CALN1: variants seen among roughly 807,000 people sequenced by gnomAD.
The protein encoded by CALN1 is calcium-binding protein 8.
A neutral mutation model predicts 30.6 loss-of-function variants in CALN1; 17 were observed. The ratio of observed to expected loss-of-function variants is 0.56; its 90% CI spans 0.38 to 0.83. The LOEUF (loss-of-function observed/expected upper bound fraction) is 0.83, where lower values mean the gene tolerates loss of function less well. Ranked by LOEUF, CALN1 falls within the 40% of genes least tolerant of loss-of-function variation. CALN1 has a pLI of 0.00. For missense variants in CALN1, 291 were observed against 354.9 expected, an observed-to-expected ratio of 0.82 and a Z score of 1.45; for synonymous variants, 156 against 131.4, an observed-to-expected ratio of 1.19 and a Z score of -1.28.
chr7:72,210,158 C>G (rs1792290462), intron 3 of CALN1, among the ~76,000 whole-genome samples: 1 of 152,014 alleles, frequency 6.6e-6, no homozygotes, highest in Non-Finnish European at 1.5e-5. Flanking sequence ...TCTCCCCCTT[C>G]CAGCCATCCA....
chr7:72,209,111 C>T (rs542395445), intron 3 of CALN1, among the ~76,000 whole-genome samples: 2 of 141,030 alleles, frequency 1.4e-5, no homozygotes, highest in South Asian at 2.5e-4. Flanking sequence ...TCATTTCTCT[C>T]TTTTTTACTC....
chr7:72,229,374 C>G (rs1429783837), intron 3 of CALN1, among the ~76,000 whole-genome samples: 1 of 152,014 alleles, frequency 6.6e-6, no homozygotes, highest in Non-Finnish European at 1.5e-5. Flanking sequence ...AATCCCAGCA[C>G]TTGGGAGGCT....
At chr7:72,203,384 G>A (rs888741528) in intron 3 of CALN1, among the ~76,000 whole-genome samples, 24 of 151,740 alleles carry the variant, frequency 1.6e-4, no homozygotes, top group East Asian at 7.7e-4. Flanking sequence ...AAATTTACGC[G>A]AAACAATGAG....
chr7:72,152,225 C>G (rs919088679), intron 3 of CALN1, among the ~76,000 whole-genome samples: 2 of 152,020 alleles, frequency 1.3e-5, no homozygotes, highest in Non-Finnish European at 2.9e-5. Context: ...TTTCCAAACC[C>G]AAAGCTATGA....
At chr7:72,289,690 C>T (rs1798340411) in intron 2 of CALN1, among the ~76,000 whole-genome samples, 1 of 152,098 alleles carries the variant, frequency 6.6e-6, no homozygotes, top group African/African-American at 2.4e-5. Flanking sequence ...CACAAAATCA[C>T]AAATAATAGT....
intron 2 of CALN1, among the ~76,000 whole-genome samples, chr7:72,321,125 C>T (rs1243883828): frequency 6.6e-6 from 1 of 152,174 alleles, no homozygotes; most frequent in East Asian, 1.9e-4. Flanking sequence ...AAGACTTCAC[C>T]TATTCAATTT....
upstream of CALN1, among the ~76,000 whole-genome samples, chr7:72,416,205 A>C (rs955224362): frequency 6.6e-6 from 1 of 152,184 alleles, no homozygotes; most frequent in Non-Finnish European, 1.5e-5. Context: ...CCATGGCAAC[A>C]CCCAGAAGTT....
chr7:71,943,812 G>A (rs977527098), intron 5 of CALN1, among the ~76,000 whole-genome samples: 1 of 152,100 alleles, frequency 6.6e-6, no homozygotes, highest in Non-Finnish European at 1.5e-5. Flanking sequence ...CTTGGAACAG[G>A]ACCTTGGAAA....
intron 2 of CALN1, among the ~76,000 whole-genome samples, chr7:72,317,612 G>GCCA (rs1308080354): frequency 6.6e-6 from 1 of 152,118 alleles, no homozygotes; most frequent in African/African-American, 2.4e-5. Flanking sequence ...CTGGGCTGCT[G>GCCA]CCACTCAGAG....
At chr7:72,409,591 C>CA (rs1192293117) in intron 1 of CALN1, among the ~76,000 whole-genome samples, 5 of 151,954 alleles carry the variant, frequency 3.3e-5, no homozygotes, top group African/African-American at 1.2e-4. Context: ...CAAAGTCTTT[C>CA]ATGGATTTGA....
chr7:71,787,760 G>C lies in CALN1; in HGVS notation c.*15C>G, dbSNP rs376575825. The stretch of plus-strand genomic sequence containing the variant: ...GCGCGGTGAGCTGCAACACAGTGTG[G>C]CTGGCGGGAGGCTGCTACTCCATGC... On this transcript the variant is annotated 3_prime_UTR_variant, in exon 7 of 7. Transcript: ENST00000395275. The C allele has an allele frequency of 1.2e-6, 2 of 1,612,908 alleles. No individual in the cohort carries two copies. Among genetic ancestry groups the C allele is most frequent in the African/African-American group, 2.7e-5 (2 of 74,930 alleles).
chr7:71,876,403 C>T (rs1470643553), intron 5 of CALN1, among the ~76,000 whole-genome samples: 1 of 150,856 alleles, frequency 6.6e-6, no homozygotes, highest in Non-Finnish European at 1.5e-5. Context: ...CATCGTGTTA[C>T]AAAACTTTGT....
chr7:72,443,998 C>CT lies in CALN1; in HGVS notation c.-226+3043dup, dbSNP rs199531985. Among the ~76,000 whole-genome samples, 480 of 146,816 alleles carry CT rather than the reference C, an allele frequency of 3.3e-3. 6 individuals are homozygous for CT. Among genetic ancestry groups the CT allele is most frequent in the Admixed American group, 0.025 (377 of 14,882 alleles). On this transcript the variant is annotated intron_variant, in intron 1 of 6. Transcript: ENST00000395276. The stretch of plus-strand genomic sequence containing the variant: ...CCAGCCTGGGTGACAGAGTGAGACT[C>CT]TGTCTCAAAAACTAAATTAATTAAT...
In CALN1 at chr7:72,314,980, A is replaced by C. The variant is rs916959244; in HGVS notation, c.120-36170T>G. Reference sequence around the variant, plus strand: ...TCAGCACACAGTGAGACCCATCTCTACAAAAAAAAAAAAAAAATTAATTAG... The same window carrying C: ...TCAGCACACAGTGAGACCCATCTCTCCAAAAAAAAAAAAAAAATTAATTAG... On this transcript the variant is annotated intron_variant, in intron 2 of 6. Transcript: ENST00000395275. Among the ~76,000 whole-genome samples, 672 of 135,110 alleles carry C rather than the reference A, an allele frequency of 5.0e-3. 8 individuals carry two copies. Among genetic ancestry groups the C allele is most frequent in the African/African-American group, 0.02 (648 of 32,642 alleles). The allele number at this position is 135,110 out of a possible 152,430, so 88.6% of individuals were successfully genotyped here.
At chr7:72,282,625 G>A (rs954523681) in intron 2 of CALN1, among the ~76,000 whole-genome samples, 1 of 152,222 alleles carries the variant, frequency 6.6e-6, no homozygotes, top group Non-Finnish European at 1.5e-5. Context: ...GCTCTCACCA[G>A]ACACAAAATC....
At chr7:72,406,157 G>T (rs186255972) in intron 1 of CALN1, among the ~76,000 whole-genome samples, 57 of 152,316 alleles carry the variant, frequency 3.7e-4, no homozygotes, top group African/African-American at 1.3e-3. Context: ...GCCAGAAGCC[G>T]TCTCTCCAGA....
intron 5 of CALN1, among the ~76,000 whole-genome samples, chr7:71,856,225 A>G (rs1435677227): frequency 6.6e-6 from 1 of 151,684 alleles, no homozygotes; most frequent in African/African-American, 2.4e-5. Flanking sequence ...AAATATACAT[A>G]TACATATATT....
intron 2 of CALN1, among the ~76,000 whole-genome samples, chr7:72,393,315 T>A (rs903557182): frequency 1.3e-5 from 2 of 151,806 alleles, no homozygotes; most frequent in Non-Finnish European, 2.9e-5. Context: ...ATACAAGAAA[T>A]TAGCCGGGCA....
chr7:71,794,199 CTTACTG>C (rs1478777648), intron 6 of CALN1, among the ~76,000 whole-genome samples: 2 of 152,096 alleles, frequency 1.3e-5, no homozygotes, highest in Non-Finnish European at 2.9e-5. Context: ...GAGCTGAGGG[CTTACTG>C]TTACGCCCAG....
Sources: gnomAD v4.1 joint callset for allele counts (sites outside exome capture counted in the v4.1 genomes callset) on GRCh38, gnomAD v4.1.1 for gene constraint, MANE v1.5 for transcripts, NCBI Gene and HGNC (gene_info 2026-07-23, HGNC 2026-07-21) for gene names.